USP6NL: variants seen among roughly 807,000 people sequenced by gnomAD.
The protein encoded by USP6NL is USP6 N-terminal like.
In USP6NL, 26 loss-of-function variants were observed where a neutral mutation model predicts 61.9. The observed-to-expected ratio is 0.42, with a 90% CI of 0.31 to 0.58. The LOEUF (loss-of-function observed/expected upper bound fraction) is 0.58, where lower values mean the gene tolerates loss of function less well. USP6NL is among the 20% of genes least tolerant of loss of function. The probability of loss-of-function intolerance (pLI) is 0.16; values close to 1 mark genes in which losing one functional copy is unlikely to be tolerated. For missense variants in USP6NL, 1,114 were observed against 1,034.3 expected (o/e 1.08, Z -1.06); for synonymous variants, 432 against 390.1 (o/e 1.11, Z -1.27).
chr10:11,563,421 CAT>C (rs1201193341), intron 2 of USP6NL: 11 of 152,152 alleles, frequency 7.2e-5, no homozygotes, highest in East Asian at 5.8e-4. Context: ...CACACACACA[CAT>C]ACACACAAAT....
intron 1 of USP6NL, among the ~76,000 whole-genome samples, chr10:11,610,836 C>T (rs910966641): frequency 6.6e-6 from 1 of 152,094 alleles, no homozygotes; most frequent in African/African-American, 2.4e-5. Flanking sequence ...TGGATTCCTA[C>T]GCGTCCCGCA....
At chr10:11,464,740 AACCCACGTTGTTCTTAT>A in intron 14 of USP6NL, among the ~76,000 whole-genome samples, 1 of 152,376 alleles carries the variant, frequency 6.6e-6, no homozygotes, top group East Asian at 1.9e-4. Context: ...CAGCTGGCAG[AACCCACGTTGTTCTTAT>A]ACCTTTTGGT....
chr10:11,607,707 T>C (rs571614796), intron 1 of USP6NL, among the ~76,000 whole-genome samples: 85 of 152,100 alleles, frequency 5.6e-4, no homozygotes, highest in African/African-American at 2.0e-3. Flanking sequence ...AAAATAATAA[T>C]AATAATAATT....
At chr10:11,545,495 G>C (rs1836240523) in intron 2 of USP6NL, among the ~76,000 whole-genome samples, 1 of 152,212 alleles carries the variant, frequency 6.6e-6, no homozygotes, top group Non-Finnish European at 1.5e-5. Context: ...GACCAGCCCA[G>C]AGAAACATAT....
intron 5 of USP6NL, among the ~76,000 whole-genome samples, chr10:11,512,160 CA>C (rs1439561592): frequency 6.6e-5 from 10 of 152,100 alleles, no homozygotes; most frequent in Non-Finnish European, 1.3e-4. Flanking sequence ...CACAATAAGA[CA>C]AAACTGGAAT....
rs1377385145 is a variant in USP6NL at position 11,478,131 on chromosome 10, T to C, written c.1078+3639A>G. Among the ~76,000 whole-genome samples, 1 of 152,224 alleles carries C rather than the reference T, an allele frequency of 6.6e-6. No individual in the cohort carries two copies. The highest frequency in any genetic ancestry group is 2.4e-5 in the African/African-American group (1 of 41,464). ...AGTTAGAAAGAAATGGAAGAAAATC[T>C]TCAACTTGCAATAGCAATAAAAGAT... On this transcript the variant is annotated intron_variant, in intron 14 of 14. Transcript: ENST00000609104. The surrounding 1 kb of genome is among the most constrained non-coding windows in gnomAD (Gnocchi z 6.8).
intron 2 of USP6NL, among the ~76,000 whole-genome samples, chr10:11,590,863 C>T (rs1354858878): frequency 6.6e-6 from 1 of 152,134 alleles, no homozygotes; most frequent in African/African-American, 2.4e-5. Flanking sequence ...CTGAGCAACA[C>T]AGTAGGCCCC....
In USP6NL at chr10:11,474,646, T is replaced by C. The variant is rs2133193589; in HGVS notation, c.1078+7124A>G. On this transcript the variant is annotated intron_variant, in intron 14 of 14. Coordinates refer to ENST00000609104, the MANE Select transcript of USP6NL (RefSeq NM_014688.5). This position sits in a 1 kb window ranked among gnomAD's most constrained non-coding sequence, Gnocchi z 4.9. ...AATTTGTGAGTTTAATAAATACTAA[T>C]TTTTAAAATCTAAATAATCCTGTGC... Among the ~76,000 whole-genome samples the C allele has an allele frequency of 6.6e-6, 1 of 152,360 alleles. No individual in the cohort carries two copies. The highest frequency in any genetic ancestry group is 1.9e-4 in the East Asian group (1 of 5,190).
rs1158534750 is a variant in USP6NL, at chr10:11,548,539, T to G, written c.5-20972A>C. ...TTTGTAAATCTTAATTTCATAACCT[T>G]ACTTTAGCTATCTCTATCAACTTTG... On this transcript the variant is annotated intron_variant, in intron 2 of 14. Coordinates refer to ENST00000609104, the MANE Select transcript of USP6NL (RefSeq NM_014688.5). This position sits in a 1 kb window ranked among gnomAD's most constrained non-coding sequence, Gnocchi z 4.3. Among the ~76,000 whole-genome samples the G allele has an allele frequency of 1.3e-5, 2 of 152,208 alleles. No homozygotes were observed. The highest frequency in any genetic ancestry group is 2.9e-5 in the Non-Finnish European group (2 of 68,028).
intron 2 of USP6NL, among the ~76,000 whole-genome samples, chr10:11,557,649 GA>G (rs1464091172): frequency 1.3e-5 from 2 of 152,188 alleles, no homozygotes; most frequent in African/African-American, 2.4e-5. Flanking sequence ...GGAGAACATT[GA>G]TGACACGAAA....
At chr10:11,584,016 G>A (rs1305422326) in intron 2 of USP6NL, among the ~76,000 whole-genome samples, 3 of 151,562 alleles carry the variant, frequency 2.0e-5, no homozygotes, top group Non-Finnish European at 4.4e-5. Flanking sequence ...GCGACACAGC[G>A]AGACTCTGTC....
chr10:11,495,746 T>C lies in USP6NL; in HGVS notation c.385-2518A>G, dbSNP rs1458159147. 1.3e-5 allele frequency among the ~76,000 whole-genome samples: 2 copies of C among 152,230 alleles called. No individual in the cohort carries two copies. The highest frequency in any genetic ancestry group is 1.9e-4 in the East Asian group (1 of 5,202). On this transcript the variant is annotated intron_variant, in intron 7 of 14. Coordinates refer to ENST00000609104, the MANE Select transcript of USP6NL (RefSeq NM_014688.5). The surrounding 1 kb of genome is among the most constrained non-coding windows in gnomAD (Gnocchi z 4.6). ...TTTTTAGATTCTCTTCTTTACACTA[T>C]AATCTGTTTCTTACAAGCTGCTTTC...
chr10:11,528,579 T>C lies in USP6NL; in HGVS notation c.5-1012A>G, dbSNP rs968970781. 4.6e-5 allele frequency among the ~76,000 whole-genome samples: 7 copies of C among 152,172 alleles called. No homozygotes were observed. Among genetic ancestry groups the C allele is most frequent in the Non-Finnish European group, 5.9e-5 (4 of 68,030 alleles). On this transcript the variant is annotated intron_variant, in intron 2 of 14. Transcript: ENST00000609104. This position sits in a 1 kb window ranked among gnomAD's most constrained non-coding sequence, Gnocchi z 4.6. The stretch of plus-strand genomic sequence containing the variant: ...CGCAACTTGTCCACAGGCATAAAGC[T>C]AATAAACAGCAAAGACAGTTTTCAA...
In USP6NL at chr10:11,462,595, G is replaced by A. The variant is rs745998452; in HGVS notation, c.2333C>T (p.Pro778Leu). 4 of 1,613,898 alleles carry A rather than the reference G, an allele frequency of 2.5e-6. No homozygotes were observed. The East Asian group carries it at 8.9e-5, about 36-fold the overall frequency. The stretch of plus-strand genomic sequence containing the variant: ...CACGGGACTATCTACAGAAACTGCA[G>A]GGAGGCCATGGTCCTGAAAGGGTGC... The part of the protein sequence containing the change: ...QLAPFQDHGL[P>L]AVSVDSPVRY... The change falls in exon 15 of 15, where the codon CCT becomes CTT. Residue 778 changes from proline (P) to leucine (L), a missense_variant. Physicochemically the swap from Pro to Leu is moderately conservative, Grantham distance 98. Transcript: ENST00000609104.
intron 2 of USP6NL, among the ~76,000 whole-genome samples, chr10:11,545,523 A>G (rs1047484882): frequency 6.6e-6 from 1 of 152,248 alleles, no homozygotes; most frequent in Non-Finnish European, 1.5e-5. Flanking sequence ...CACCGCAGTC[A>G]TCTGTAAAAG....
chr10:11,559,259 A>G (rs1001034779), intron 2 of USP6NL, among the ~76,000 whole-genome samples: 1 of 152,216 alleles, frequency 6.6e-6, no homozygotes, highest in Non-Finnish European at 1.5e-5. Flanking sequence ...AAATTAAAGG[A>G]AATATTTATT....
Position 11,562,861 on chromosome 10 carries a change from G to C in USP6NL, c.4+34770C>G. The C allele has an allele frequency of 1.2e-6, 1 of 832,020 alleles. No homozygotes were observed. The highest frequency in any genetic ancestry group is 1.4e-6 in the Non-Finnish European group (1 of 690,244). The allele number at this position is 832,020 out of a possible 1,614,324, so 51.5% of individuals were successfully genotyped here. On this transcript the variant is annotated intron_variant, in intron 2 of 14. Transcript: ENST00000609104. This position sits in a 1 kb window ranked among gnomAD's most constrained non-coding sequence, Gnocchi z 4.8. ...AGTAAGGGTCTTTTGGTAGTTTCTTGAAAAAGTAGACATCCACTTACCATG... is the reference window on the plus strand; with the variant it reads ...AGTAAGGGTCTTTTGGTAGTTTCTTCAAAAAGTAGACATCCACTTACCATG...
At chr10:11,605,362 T>G (rs1307476574) in intron 1 of USP6NL, among the ~76,000 whole-genome samples, 1 of 152,140 alleles carries the variant, frequency 6.6e-6, no homozygotes, top group African/African-American at 2.4e-5. Context: ...AACCAATTAT[T>G]GCATAGACTC....
rs17150577 is a variant in USP6NL at position 11,574,967 on chromosome 10, C to T, written c.4+22664G>A. ...AGCTCTTCAGACACGACGTGCTACA[C>T]CATGTACATATATACCACCCATAAT... On this transcript the variant is annotated intron_variant, in intron 2 of 14. Coordinates refer to ENST00000609104, the MANE Select transcript of USP6NL (RefSeq NM_014688.5). The surrounding 1 kb of genome is among the most constrained non-coding windows in gnomAD (Gnocchi z 4.3). Among the ~76,000 whole-genome samples the T allele has an allele frequency of 9.0e-3, 1,367 of 152,274 alleles. 14 individuals carry two copies. Among genetic ancestry groups the T allele is most frequent in the African/African-American group, 0.031 (1,279 of 41,538 alleles).
Sources: gnomAD v4.1 joint callset for allele counts (sites outside exome capture counted in the v4.1 genomes callset) on GRCh38, gnomAD v4.1.1 for gene constraint, Gnocchi (gnomAD v3.1) non-coding constraint, MANE v1.5 for transcripts, NCBI Gene and HGNC (gene_info 2026-07-23, HGNC 2026-07-21) for gene names.